The following TFPI variants were observed in gnomAD, a reference collection of about 807,000 sequenced individuals.
The protein encoded by TFPI is tissue factor pathway inhibitor.
In TFPI, 15 loss-of-function variants were observed where a neutral mutation model predicts 34.6. That is an observed-to-expected ratio of 0.43 (90% CI 0.29 to 0.67). The LOEUF is 0.67. Ranked by LOEUF, TFPI falls within the 30% of genes least tolerant of loss-of-function variation. The pLI, the probability that TFPI is intolerant of heterozygous loss-of-function variation, is 0.15. For missense variants in TFPI, 301 were observed against 364.0 expected (o/e 0.83, Z 1.41); for synonymous variants, 105 against 120.1 (o/e 0.87, Z 0.82).
chr2:187,552,256 T>A (rs990971411), intron 1 of TFPI, among the ~76,000 whole-genome samples: 1 of 152,076 alleles, frequency 6.6e-6, no homozygotes, highest in South Asian at 2.1e-4. Context: ...ATAGCATATT[T>A]ACTATTTGGT....
chr2:187,493,670 GA>G (rs1373900893), intron 3 of TFPI, among the ~76,000 whole-genome samples: 5 of 152,092 alleles, frequency 3.3e-5, no homozygotes, highest in Admixed American at 2.0e-4. Context: ...TTGGTGCTTA[GA>G]AATTTATTCT....
At chr2:187,512,267 T>A in intron 1 of TFPI, among the ~76,000 whole-genome samples, 1 of 129,572 alleles carries the variant, frequency 7.7e-6, no homozygotes. Flanking sequence ...AGTTCAGAAG[T>A]ATCCTAAGTT....
chr2:187,500,628 T>C (rs1160698838), intron 2 of TFPI, among the ~76,000 whole-genome samples: 1 of 152,204 alleles, frequency 6.6e-6, no homozygotes, highest in East Asian at 1.9e-4. Context: ...AAGTATTAAC[T>C]TTTATGAATT....
intron 1 of TFPI, among the ~76,000 whole-genome samples, chr2:187,539,605 T>G (rs984097173): frequency 6.6e-6 from 1 of 152,180 alleles, no homozygotes; most frequent in Non-Finnish European, 1.5e-5. Context: ...GATTGGAAAC[T>G]CCAACATTTG....
At chr2:187,531,793 T>A (rs1687971078) in intron 1 of TFPI, among the ~76,000 whole-genome samples, 1 of 152,166 alleles carries the variant, frequency 6.6e-6, no homozygotes, top group Non-Finnish European at 1.5e-5. Flanking sequence ...TTCTATTTGA[T>A]ATTATTAAAA....
intron 1 of TFPI, among the ~76,000 whole-genome samples, chr2:187,530,266 C>T (rs1415405855): frequency 6.6e-6 from 1 of 152,092 alleles, no homozygotes; most frequent in Non-Finnish European, 1.5e-5. Context: ...GTTAGTTGTG[C>T]AGACTAACTA....
intron 2 of TFPI, among the ~76,000 whole-genome samples, chr2:187,497,411 T>G (rs1168488869): frequency 4.6e-5 from 7 of 152,008 alleles, no homozygotes; most frequent in Admixed American, 3.3e-4. Context: ...GTTCTTTGAA[T>G]TTCTCTCCCT....
intron 6 of TFPI, among the ~76,000 whole-genome samples, chr2:187,477,729 C>G (rs931777884): frequency 8.5e-5 from 13 of 152,232 alleles, no homozygotes; most frequent in Admixed American, 8.5e-4. Context: ...GAACATAACA[C>G]CTGTTTCAGA....
intron 1 of TFPI, among the ~76,000 whole-genome samples, chr2:187,508,378 A>G (rs1193087720): frequency 6.6e-6 from 1 of 152,184 alleles, no homozygotes; most frequent in Non-Finnish European, 1.5e-5. Context: ...TAATTGGGAT[A>G]GCATTGAATC....
At chr2:187,535,325 C>T (rs886080682) in intron 1 of TFPI, among the ~76,000 whole-genome samples, 2 of 152,026 alleles carry the variant, frequency 1.3e-5, no homozygotes, top group Admixed American at 6.6e-5. Flanking sequence ...TAAAATTGAC[C>T]GCATAATTGG....
Position 187,484,118 on chromosome 2 carries a change from T to C in TFPI, c.628+6A>G. On this transcript the variant is annotated splice_donor_region_variant and intron_variant, in intron 6 of 7. Coordinates refer to ENST00000233156, the MANE Select transcript of TFPI (RefSeq NM_006287.6). Reference sequence around the variant, plus strand: ...CTGGAAGCAATAAAATCCACAAGATTCTTACCAAAAAGGCTGGGAACCTTG... The same window carrying C: ...CTGGAAGCAATAAAATCCACAAGATCCTTACCAAAAAGGCTGGGAACCTTG... The C allele has an allele frequency of 6.2e-7, 1 of 1,611,228 alleles. No homozygotes were observed. Among genetic ancestry groups the C allele is most frequent in the South Asian group, 1.1e-5 (1 of 90,944 alleles).
At chr2:187,494,638 T>A (rs182124404) in intron 3 of TFPI, among the ~76,000 whole-genome samples, 3 of 152,336 alleles carry the variant, frequency 2.0e-5, no homozygotes, top group Admixed American at 2.0e-4. Flanking sequence ...TTTTTAAAAG[T>A]CTAGCCATAT....
intron 6 of TFPI, among the ~76,000 whole-genome samples, chr2:187,479,853 C>G (rs1443799817): frequency 6.6e-6 from 1 of 151,092 alleles, no homozygotes; most frequent in Non-Finnish European, 1.5e-5. Context: ...TCATAAAAAG[C>G]AATGAAATTT....
intron 6 of TFPI, among the ~76,000 whole-genome samples, chr2:187,480,764 C>T (rs551109525): frequency 6.6e-6 from 1 of 152,174 alleles, no homozygotes; most frequent in South Asian, 2.1e-4. Flanking sequence ...CAGGGATATG[C>T]TTACAAATCA....
chr2:187,481,845 C>G (rs988980606), intron 6 of TFPI, among the ~76,000 whole-genome samples: 2 of 152,004 alleles, frequency 1.3e-5, no homozygotes, highest in African/African-American at 4.8e-5. Flanking sequence ...CCTTAAATGT[C>G]TATTATTCTG....
intron 1 of TFPI, chr2:187,515,007 C>A (rs1686899514): frequency 6.6e-6 from 1 of 152,218 alleles, no homozygotes; most frequent in African/African-American, 2.4e-5. Flanking sequence ...GGCTACCTGA[C>A]CAGACAAAAC....
chr2:187,500,847 T>C (rs747190294), intron 2 of TFPI, among the ~76,000 whole-genome samples: 17 of 152,144 alleles, frequency 1.1e-4, no homozygotes, highest in Non-Finnish European at 2.1e-4. Context: ...TCTGCCTCGG[T>C]TTTCATTTCT....
At chr2:187,515,250 G>T (rs1686920889) in intron 1 of TFPI, 1 of 152,208 alleles carries the variant, frequency 6.6e-6, no homozygotes, top group South Asian at 2.1e-4. Flanking sequence ...ATACTGTGGT[G>T]ACTTTAATAA....
intron 1 of TFPI, among the ~76,000 whole-genome samples, chr2:187,530,567 C>T (rs1161696912): frequency 6.6e-6 from 1 of 152,180 alleles, no homozygotes; most frequent in Non-Finnish European, 1.5e-5. Flanking sequence ...AATATTGCTT[C>T]TATATAAAAT....
Sources: allele counts gnomAD v4.1 joint callset (sites outside exome capture counted in the v4.1 genomes callset), GRCh38; gene constraint gnomAD v4.1.1; transcripts MANE v1.5; gene names NCBI Gene and HGNC (gene_info 2026-07-23, HGNC 2026-07-21).